WFDC10B: variants seen among roughly 807,000 people sequenced by gnomAD.
WFDC10B encodes the protein protein WFDC10B.
WFDC10B carries 1 observed loss-of-function variant against 2.7 expected under a neutral mutation model. The ratio of observed to expected loss-of-function variants is 0.38; its 90% CI spans 0.13 to 1.79. The LOEUF is 1.79. Ranked by LOEUF, WFDC10B falls within the 40% of genes most tolerant of loss-of-function variation. WFDC10B has a pLI of 0.33. For missense variants in WFDC10B, 71 were observed against 87.8 expected, an observed-to-expected ratio of 0.81 and a Z score of 0.76; for synonymous variants, 26 against 32.2, an observed-to-expected ratio of 0.81 and a Z score of 0.65.
At chr20:45,685,074 C>G (rs1356493734) in intron 3 of WFDC10B, 114 bp from the exon 4 acceptor site, 1 of 1,384,656 alleles carries the variant, frequency 7.2e-7, no homozygotes, top group Non-Finnish European at 9.8e-7. Context: ...CCACGACTCT[C>G]CTGGACTCTT....
chr20:45,686,541 G>C (rs200588404), intron 2 of WFDC10B, among the ~76,000 whole-genome samples: 1 of 128,602 alleles, frequency 7.8e-6, no homozygotes, highest in Non-Finnish European at 1.5e-5. Flanking sequence ...AATTTTTTTG[G>C]GGGGGGGCGG....
At chr20:45,687,685 C>G (rs1274662701) in intron 2 of WFDC10B, among the ~76,000 whole-genome samples, 1 of 152,078 alleles carries the variant, frequency 6.6e-6, no homozygotes, top group Non-Finnish European at 1.5e-5. Context: ...AGTTTCTTGA[C>G]TTTTTAATAA....
chr20:45,689,095 G>A (rs1983722728), intron 2 of WFDC10B, among the ~76,000 whole-genome samples: 2 of 147,856 alleles, frequency 1.4e-5, no homozygotes, highest in Non-Finnish European at 3.0e-5. Context: ...TATTAAATAG[G>A]GAATCCTTTC....
chr20:45,701,685 C>T (rs1984166212), intron 2 of WFDC10B, among the ~76,000 whole-genome samples: 1 of 150,564 alleles, frequency 6.6e-6, no homozygotes, highest in Non-Finnish European at 1.5e-5. Flanking sequence ...TTGCTTGAAC[C>T]TGGGAGGAAG....
intron 2 of WFDC10B, among the ~76,000 whole-genome samples, chr20:45,698,636 A>G (rs1042912186): frequency 1.3e-5 from 2 of 151,950 alleles, no homozygotes; most frequent in Non-Finnish European, 2.9e-5. Context: ...CATTTCTTCA[A>G]AGAAAATATA....
chr20:45,685,641 A>G (rs1983585920), intron 3 of WFDC10B, among the ~76,000 whole-genome samples: 1 of 152,132 alleles, frequency 6.6e-6, no homozygotes, highest in Non-Finnish European at 1.5e-5. Context: ...ACCTTTCACT[A>G]TGGGATGTAC....
intron 2 of WFDC10B, among the ~76,000 whole-genome samples, chr20:45,700,877 T>C (rs1984132685): frequency 6.6e-6 from 1 of 152,184 alleles, no homozygotes; most frequent in South Asian, 2.1e-4. Context: ...TAACTGCTTA[T>C]TTGCCTATGA....
Position 45,703,843 on chromosome 20 carries a change from C to T in WFDC10B, c.-65+654G>A, listed in dbSNP as rs187766142. Among the ~76,000 whole-genome samples, 205 of 152,288 alleles carry T rather than the reference C, an allele frequency of 1.3e-3. 4 individuals carry two copies. The highest frequency in any genetic ancestry group is 4.4e-4 in the Non-Finnish European group (30 of 68,026). Reference sequence around the variant, plus strand: ...GGAAGAAAAAAGCTGAATCTTTGAACGCCATTCTGAAATCCCCACCCTTCT... The same window carrying T: ...GGAAGAAAAAAGCTGAATCTTTGAATGCCATTCTGAAATCCCCACCCTTCT... On this transcript the variant is annotated intron_variant, in intron 2 of 3. Transcript: ENST00000330523.
intron 1 of WFDC10B, 132 bp from the exon 2 acceptor site, chr20:45,704,693 T>C: frequency 6.6e-7 from 1 of 1,514,846 alleles, no homozygotes; most frequent in South Asian, 1.3e-5. Flanking sequence ...TCTCCTTTTT[T>C]TTTTTTTTCC....
intron 2 of WFDC10B, among the ~76,000 whole-genome samples, chr20:45,694,960 A>C (rs1983934907): frequency 6.6e-6 from 1 of 152,230 alleles, no homozygotes; most frequent in South Asian, 2.1e-4. Context: ...TGGCACACAC[A>C]ACTCACAAGG....
At chr20:45,686,425 AT>A (rs1379760753) in intron 2 of WFDC10B, among the ~76,000 whole-genome samples, 2 of 151,790 alleles carry the variant, frequency 1.3e-5, no homozygotes, top group Non-Finnish European at 2.9e-5. Flanking sequence ...ACAATCTTTT[AT>A]TTTCTCATTT....
Position 45,705,005 on chromosome 20 carries a change from G to A in WFDC10B, c.-217C>T, listed in dbSNP as rs1175505678. Reference sequence around the variant, plus strand: ...ACAAGACACCATCCTTTGGCCACCAGTGTTCTTGGGCTCTGGAGATCCAGC... The same window carrying A: ...ACAAGACACCATCCTTTGGCCACCAATGTTCTTGGGCTCTGGAGATCCAGC... On this transcript the variant is annotated 5_prime_UTR_variant, in exon 1 of 4. Transcript: ENST00000330523. 2 of 1,613,836 alleles carry A rather than the reference G, an allele frequency of 1.2e-6. No individual in the cohort carries two copies. The highest frequency in any genetic ancestry group is 2.2e-5 in the East Asian group (1 of 44,872).
chr20:45,692,112 A>G (rs1379002113), intron 2 of WFDC10B, among the ~76,000 whole-genome samples: 1 of 152,150 alleles, frequency 6.6e-6, no homozygotes, highest in Non-Finnish European at 1.5e-5. Context: ...GTTTGGCTGG[A>G]TATGAAATTC....
rs757137513 is a variant in WFDC10B, at chr20:45,684,906, GAA to G, written c.144_145del (p.Ser49IlefsTer6). On this transcript the variant is annotated frameshift_variant, in exon 4 of 4. Coordinates refer to ENST00000330523, the MANE Select transcript of WFDC10B (RefSeq NM_172006.2). LOFTEE classifies it low-confidence loss of function (END_TRUNC). The stretch of plus-strand genomic sequence containing the variant: ...ATTTGTTTCACACTTTTGGAAATAT[GAA>G]CAGTGGTGGATGCATAGATCTATGC... The G allele has an allele frequency of 1.9e-6, 3 of 1,614,008 alleles. No homozygotes were observed. The highest frequency in any genetic ancestry group is 3.3e-4 in the Middle Eastern group (2 of 6,058).
rs200358497 is a variant in WFDC10B, at chr20:45,684,931, T to C, written c.121A>G (p.Ile41Val). 6 of 1,613,878 alleles carry C rather than the reference T, an allele frequency of 3.7e-6. No individual in the cohort carries two copies. Among genetic ancestry groups the C allele is most frequent in the Non-Finnish European group, 5.1e-6 (6 of 1,179,968 alleles). ...RIKVCEKRPS[I>V]DLCIHHCSYF... Reference sequence around the variant, plus strand: ...GAACAGTGGTGGATGCATAGATCTATGCTGGGTCGCTTCTCACAGACCTTG... The same window carrying C: ...GAACAGTGGTGGATGCATAGATCTACGCTGGGTCGCTTCTCACAGACCTTG... The change falls in exon 4 of 4, where the codon ATA becomes GTA. Residue 41 changes from isoleucine to valine, a missense_variant. Ile to Val is a conservative substitution (Grantham distance 29). Coordinates refer to ENST00000330523, the MANE Select transcript of WFDC10B (RefSeq NM_172006.2).
intron 2 of WFDC10B, among the ~76,000 whole-genome samples, chr20:45,690,374 T>A (rs1983771721): frequency 6.6e-6 from 1 of 152,062 alleles, no homozygotes; most frequent in Non-Finnish European, 1.5e-5. Context: ...TAGGGAGGAT[T>A]CCCTCTTTTT....
intron 2 of WFDC10B, among the ~76,000 whole-genome samples, chr20:45,698,074 T>C (rs1279888902): frequency 2.0e-5 from 3 of 152,138 alleles, no homozygotes; most frequent in African/African-American, 4.8e-5. Context: ...AACAGAAAAC[T>C]TGATCCTCGA....
intron 1 of WFDC10B, 126 bp from the exon 2 acceptor site, chr20:45,704,687 CTTT>C (rs11361717): frequency 5.8e-4 from 772 of 1,327,550 alleles, no homozygotes; most frequent in South Asian, 1.7e-3. Flanking sequence ...TGGATCTCTC[CTTT>C]TTTTTTTTTT....
intron 2 of WFDC10B, among the ~76,000 whole-genome samples, chr20:45,692,434 C>G (rs1255656100): frequency 1.3e-5 from 2 of 152,138 alleles, no homozygotes; most frequent in African/African-American, 4.8e-5. Flanking sequence ...AGAGTGTTTT[C>G]CAACTTGGTT....
Sources: gnomAD v4.1 joint callset for allele counts (sites outside exome capture counted in the v4.1 genomes callset) on GRCh38, gnomAD v4.1.1 for gene constraint, MANE v1.5 for transcripts, NCBI Gene and HGNC (gene_info 2026-07-23, HGNC 2026-07-21) for gene names.